Variants in IL1RAPL1 observed in about 807,000 individuals in gnomAD.
IL1RAPL1 encodes the protein interleukin 1 receptor accessory protein like 1, also known as interleukin-1 receptor accessory protein-like 1.
IL1RAPL1 carries 3 observed loss-of-function variants against 48.4 expected under a neutral mutation model. The observed-to-expected ratio is 0.06, with a 90% confidence interval of 0.03 to 0.16. The LOEUF (loss-of-function observed/expected upper bound fraction) is 0.16. Among genes scored for constraint, IL1RAPL1 ranks in the 10% least tolerant of loss-of-function variants. The pLI, the probability that IL1RAPL1 is intolerant of heterozygous loss-of-function variation, is 1.00. For synonymous variants in IL1RAPL1, 185 were observed against 187.7 expected (o/e 0.99, Z 0.12); for missense variants, 349 against 530.6 (o/e 0.66, Z 3.36).
chrX:28,908,853 C>T (rs578196949), intron 2 of IL1RAPL1, among the ~76,000 whole-genome samples: 3 of 111,411 alleles, frequency 2.7e-5, no homozygotes, highest in Admixed American at 9.5e-5. Flanking sequence ...GCTTTTGCCT[C>T]GTGTATTTTG....
intron 6 of IL1RAPL1, among the ~76,000 whole-genome samples, chrX:29,883,405 A>G (rs1173895658): frequency 5.4e-5 from 6 of 112,096 alleles, no homozygotes; most frequent in Admixed American, 9.5e-5. Flanking sequence ...GAAACTTGAT[A>G]TATGAAGTCC....
chrX:29,230,522 A>AAAAAAAAC (rs1555978817), intron 2 of IL1RAPL1, among the ~76,000 whole-genome samples: 5,811 of 90,737 alleles, frequency 0.064, 464 homozygotes, highest in East Asian at 0.27. Flanking sequence ...AAAAAAAAAA[A>AAAAAAAAC]AAAAAAAAAA....
intron 1 of IL1RAPL1, among the ~76,000 whole-genome samples, chrX:28,741,817 A>G (rs1489222059): frequency 8.9e-6 from 1 of 112,085 alleles, no homozygotes; most frequent in Non-Finnish European, 1.9e-5. Flanking sequence ...TAATTTTACA[A>G]CATAGTTCTT....
intron 1 of IL1RAPL1, among the ~76,000 whole-genome samples, chrX:28,775,794 C>T (rs1299302580): frequency 3.6e-5 from 4 of 112,322 alleles, no homozygotes; most frequent in Non-Finnish European, 7.5e-5. Context: ...CTATGCCAAG[C>T]TTGTCCTGTT....
Position 28,966,033 on chromosome X carries a change from ATTAAG to A in IL1RAPL1, c.82+176613_82+176617del, listed in dbSNP as rs777060633. Among the ~76,000 whole-genome samples the A allele has an allele frequency of 3.6e-5, 4 of 111,840 alleles. No homozygotes were observed. In the East Asian group the frequency reaches 1.1e-3, roughly 31 times the overall value. On this transcript the variant is annotated intron_variant, in intron 2 of 10. Transcript: ENST00000378993. ...ATAATGGCACCAATATTAAATAGAC[ATTAAG>A]TTAATTAAGGTGCGTTACCTTAGTT...
chrX:29,725,088 G>A (rs1382113161), intron 6 of IL1RAPL1, among the ~76,000 whole-genome samples: 7 of 109,930 alleles, frequency 6.4e-5, no homozygotes, highest in South Asian at 7.7e-4. Context: ...GACACAGTTC[G>A]TTCCTATGAT....
intron 2 of IL1RAPL1, among the ~76,000 whole-genome samples, chrX:28,958,887 C>G (rs961304715): frequency 1.8e-5 from 2 of 110,959 alleles, no homozygotes; most frequent in African/African-American, 6.5e-5. Context: ...AGAGAAATGT[C>G]TCTGACAAAA....
At chrX:28,830,628 T>C (rs1921019347) in intron 2 of IL1RAPL1, among the ~76,000 whole-genome samples, 1 of 111,797 alleles carries the variant, frequency 8.9e-6, no homozygotes. Context: ...CAAGTCTGTC[T>C]AGTAGGTTCA....
At chrX:29,366,982 A>G (rs753738767) in intron 3 of IL1RAPL1, among the ~76,000 whole-genome samples, 1 of 111,561 alleles carries the variant, frequency 9.0e-6, no homozygotes, top group East Asian at 2.8e-4. Context: ...ATATGCACAT[A>G]TATGAATTTA....
chrX:29,715,416 G>A (rs1307697175), intron 6 of IL1RAPL1, among the ~76,000 whole-genome samples: 3 of 111,152 alleles, frequency 2.7e-5, no homozygotes, highest in African/African-American at 9.8e-5. Context: ...ACATTTCAAG[G>A]GCCATTCCTC....
chrX:29,398,530 A>G (rs1933947296), intron 4 of IL1RAPL1, among the ~76,000 whole-genome samples: 1 of 112,049 alleles, frequency 8.9e-6, no homozygotes, highest in Non-Finnish European at 1.9e-5. Flanking sequence ...ACAGATATTT[A>G]TGGAACTCTA....
At chrX:29,401,281 AT>A (rs1933989413) in intron 5 of IL1RAPL1, among the ~76,000 whole-genome samples, 1 of 111,719 alleles carries the variant, frequency 9.0e-6, no homozygotes, top group South Asian at 3.7e-4. Flanking sequence ...TGAGACAATG[AT>A]TTGGGCAAAT....
chrX:29,027,710 G>A (rs1926517187), intron 2 of IL1RAPL1, among the ~76,000 whole-genome samples: 1 of 111,562 alleles, frequency 9.0e-6, no homozygotes, highest in Non-Finnish European at 1.9e-5. Flanking sequence ...GGTGTTGTCA[G>A]TGGTTTGGAT....
intron 2 of IL1RAPL1, among the ~76,000 whole-genome samples, chrX:29,236,861 A>G (rs1361501327): frequency 1.8e-5 from 2 of 108,451 alleles, no homozygotes; most frequent in Non-Finnish European, 1.9e-5. Context: ...GAGCCACCGC[A>G]CCTGGCCCCA....
intron 2 of IL1RAPL1, among the ~76,000 whole-genome samples, chrX:28,961,634 A>T (rs1924781046): frequency 9.0e-6 from 1 of 111,180 alleles, no homozygotes; most frequent in Non-Finnish European, 1.9e-5. Context: ...TTTGCTGAGG[A>T]TGATGGTTTC....
At chrX:29,272,713 G>T (rs1050013650) in intron 2 of IL1RAPL1, among the ~76,000 whole-genome samples, 3 of 111,833 alleles carry the variant, frequency 2.7e-5, no homozygotes, top group Non-Finnish European at 5.6e-5. Context: ...AGCAAGGTTA[G>T]GGAAACTTTC....
At chrX:29,705,123 T>C in intron 6 of IL1RAPL1, among the ~76,000 whole-genome samples, 1 of 112,202 alleles carries the variant, frequency 8.9e-6, no homozygotes. Flanking sequence ...AGAACCAATA[T>C]TTAAAAACCC....
chrX:29,783,515 C>T (rs1426689692), intron 6 of IL1RAPL1, among the ~76,000 whole-genome samples: 1 of 111,522 alleles, frequency 9.0e-6, no homozygotes, highest in Admixed American at 9.5e-5. Context: ...GATGTGGGCA[C>T]TCAGAGGATG....
chrX:29,407,958 A>G (rs1027135360), intron 5 of IL1RAPL1, among the ~76,000 whole-genome samples: 4 of 112,347 alleles, frequency 3.6e-5, no homozygotes, highest in South Asian at 7.2e-4. Context: ...TTAAATAAAA[A>G]TGTGAAAACA....
Sources: gnomAD v4.1 joint callset for allele counts (sites outside exome capture counted in the v4.1 genomes callset) on GRCh38, gnomAD v4.1.1 for gene constraint, MANE v1.5 for transcripts, NCBI Gene and HGNC (gene_info 2026-07-23, HGNC 2026-07-21) for gene names.